The following ABCG8 variants were observed in gnomAD, a reference collection of about 807,000 sequenced individuals.
ABCG8 encodes ATP-binding cassette sub-family G member 8.
Under a neutral mutation model 71.3 loss-of-function variants are expected in ABCG8, and 81 were observed. That is an observed-to-expected ratio of 1.14 (90% CI 0.95 to 1.37). ABCG8 has a LOEUF of 1.37. ABCG8 is among the 40% of genes most tolerant of loss of function. The pLI, the probability that ABCG8 is intolerant of heterozygous loss-of-function variation, is 0.00. For synonymous variants in ABCG8, 451 were observed against 354.7 expected (o/e 1.27, Z -3.05); for missense variants, 1,119 against 866.2 (o/e 1.29, Z -3.66).
In ABCG8 at chr2:43,878,019, A is replaced by C. The variant is rs890377913; in HGVS notation, c.*106A>C. 6.5e-7 allele frequency: 1 copy of C among 1,537,036 alleles called. No homozygotes were observed. The highest frequency in any genetic ancestry group is 2.3e-5 in the East Asian group (1 of 43,386). ...GGGACAGTGAGGACAATGACCCTACAGATGCTCAGCTACATCCGGCCCAGG... is the reference window on the plus strand; with the variant it reads ...GGGACAGTGAGGACAATGACCCTACCGATGCTCAGCTACATCCGGCCCAGG... On this transcript the variant is annotated 3_prime_UTR_variant, in exon 13 of 13. Transcript: ENST00000272286.
intron 6 of ABCG8, among the ~76,000 whole-genome samples, chr2:43,869,178 G>A (rs939899036): frequency 7.1e-6 from 1 of 140,928 alleles, no homozygotes; most frequent in East Asian, 2.2e-4. Context: ...TCTCACTGTG[G>A]GTAGAATTCT....
chr2:43,877,750 A>G, intron 12 of ABCG8, 26 bp from the exon 13 acceptor site: 2 of 1,614,060 alleles, frequency 1.2e-6, no homozygotes, highest in Non-Finnish European at 1.7e-6. Flanking sequence ...CCTCCTCATG[A>G]GCCCACTGCA....
intron 3 of ABCG8, among the ~76,000 whole-genome samples, chr2:43,851,052 A>G (rs1351938636): frequency 6.6e-6 from 1 of 152,086 alleles, no homozygotes; most frequent in Non-Finnish European, 1.5e-5. Flanking sequence ...TTTTTTCTCC[A>G]TTATTTCTCA....
At position 43,852,346 on chromosome 2, in the gene ABCG8, G is replaced by T; in HGVS notation, c.562-8G>T. On this transcript the variant is annotated splice_polypyrimidine_tract_variant and splice_region_variant and intron_variant, in intron 4 of 12. Transcript: ENST00000272286. ...TGAGGTGGCCTCAAAGCTCCTTCTG[G>T]CCCACAGGTGGAGGACGTGATCGCG... 1 of 1,612,122 alleles carries T rather than the reference G, an allele frequency of 6.2e-7. No individual in the cohort carries two copies. Among genetic ancestry groups the T allele is most frequent in the Non-Finnish European group, 8.5e-7 (1 of 1,179,982 alleles).
At chr2:43,847,720 A>C (rs1668788442) in intron 3 of ABCG8, 1 of 151,972 alleles carries the variant, frequency 6.6e-6, no homozygotes. Context: ...GAAAGGAATG[A>C]ATAAATTACA....
In ABCG8 at chr2:43,880,781, A is replaced by G. The variant is rs990738213; in HGVS notation, c.*2868A>G. 10 of 152,176 alleles carry G rather than the reference A, an allele frequency of 6.6e-5. No homozygotes were observed. Among genetic ancestry groups the G allele is most frequent in the Non-Finnish European group, 1.3e-4 (9 of 68,048 alleles). 9.4% of individuals were successfully genotyped at this position (152,176 alleles called of 1,614,324 possible). The stretch of plus-strand genomic sequence containing the variant: ...GATCCTAGGTTCTTCCCTCTTCTCT[A>G]ATTGTGAGAAACCTGGCTTCCATTA... On this transcript the variant is annotated 3_prime_UTR_variant, in exon 13 of 13. Coordinates refer to ENST00000272286, the MANE Select transcript of ABCG8 (RefSeq NM_022437.3).
At chr2:43,850,778 T>TGGCG (rs1170085151) in intron 3 of ABCG8, among the ~76,000 whole-genome samples, 1 of 151,976 alleles carries the variant, frequency 6.6e-6, no homozygotes, top group East Asian at 1.9e-4. Context: ...CCGGGCATGG[T>TGGCG]AGCGCCTGTA....
chr2:43,872,937 C>T (rs888263261), intron 8 of ABCG8, among the ~76,000 whole-genome samples: 2 of 152,040 alleles, frequency 1.3e-5, no homozygotes, highest in African/African-American at 4.8e-5. Flanking sequence ...CACTGTGTGG[C>T]GTGTGTCTTT....
chr2:43,866,585 A>G (rs1170601154), intron 6 of ABCG8, among the ~76,000 whole-genome samples: 1 of 152,222 alleles, frequency 6.6e-6, no homozygotes, highest in Middle Eastern at 3.2e-3. Flanking sequence ...GCCAAAAAAC[A>G]CATGAAAAAA....
intron 6 of ABCG8, among the ~76,000 whole-genome samples, chr2:43,866,988 C>T (rs1251664405): frequency 6.6e-6 from 1 of 151,540 alleles, no homozygotes; most frequent in Non-Finnish European, 1.5e-5. Context: ...AAATGTGGCA[C>T]ATATACACCA....
At position 43,882,597 on chromosome 2, in the gene ABCG8, A is replaced by C. The variant is rs1443506173; in HGVS notation, c.*4684A>C. The C allele has an allele frequency of 1.3e-5, 2 of 152,264 alleles. No individual in the cohort carries two copies. The highest frequency in any genetic ancestry group is 2.4e-5 in the African/African-American group (1 of 41,476). 9.4% of individuals were successfully genotyped at this position (152,264 alleles called of 1,614,324 possible). On this transcript the variant is annotated 3_prime_UTR_variant, in exon 13 of 13. Coordinates refer to ENST00000272286, the MANE Select transcript of ABCG8 (RefSeq NM_022437.3). ...CACTAGATAATTCAGATTTCAAGTC[A>C]TCTGTCATTCGTACTTGATAATGAT...
intron 6 of ABCG8, among the ~76,000 whole-genome samples, chr2:43,862,849 C>T (rs1271190477): frequency 6.6e-6 from 1 of 151,202 alleles, no homozygotes. Context: ...ATAGAATTCT[C>T]ACTCTCTGGA....
At chr2:43,843,798 T>G (rs1002421508) in intron 1 of ABCG8, among the ~76,000 whole-genome samples, 24 of 152,142 alleles carry the variant, frequency 1.6e-4, no homozygotes, top group African/African-American at 5.6e-4. Context: ...CATGAAACAT[T>G]GATTTTTTAA....
intron 6 of ABCG8, among the ~76,000 whole-genome samples, chr2:43,866,234 T>C (rs1669528779): frequency 6.6e-6 from 1 of 151,416 alleles, no homozygotes; most frequent in African/African-American, 2.4e-5. Context: ...CCTAAAACCA[T>C]AAAAGCCCTA....
At chr2:43,844,904 C>A (rs944352219) in intron 2 of ABCG8, among the ~76,000 whole-genome samples, 5 of 151,988 alleles carry the variant, frequency 3.3e-5, no homozygotes, top group Non-Finnish European at 7.4e-5. Context: ...TTTGAAATAA[C>A]TTTAGATTTT....
In ABCG8 at chr2:43,868,322, ACTAT is replaced by A. The variant is rs1364859457; in HGVS notation, c.965-3651_965-3648del. ...TTCTCACCATCTGGATAAAACTCTC[ACTAT>A]CTGTCTGGTAGAATTCTCACTATCT... On this transcript the variant is annotated intron_variant, in intron 6 of 12. Transcript: ENST00000272286. Among the ~76,000 whole-genome samples the A allele has an allele frequency of 2.8e-5, 4 of 144,602 alleles. No individual in the cohort carries two copies. In the East Asian group the frequency reaches 6.0e-4, roughly 22 times the overall value. The allele number at this position is 144,602 out of a possible 152,430, so 94.9% of individuals were successfully genotyped here. A position where few individuals can be genotyped will look rare whatever the true frequency, so the allele number is the denominator to read the frequency against.
intron 6 of ABCG8, among the ~76,000 whole-genome samples, chr2:43,864,139 AT>A (rs926299778): frequency 3.3e-5 from 5 of 150,766 alleles, no homozygotes; most frequent in Middle Eastern, 7.2e-3. Flanking sequence ...TCTGGATAGA[AT>A]TCTTACTGTG....
chr2:43,855,575 G>C (rs1185844205), intron 6 of ABCG8, among the ~76,000 whole-genome samples: 1 of 150,940 alleles, frequency 6.6e-6, no homozygotes, highest in Non-Finnish European at 1.5e-5. Flanking sequence ...ACCCTCCAGA[G>C]AGAACTCTCA....
At chr2:43,844,656 C>G (rs1377852067) in intron 2 of ABCG8, 48 bp downstream of exon 2, 4 of 1,462,082 alleles carry the variant, frequency 2.7e-6, no homozygotes, top group Non-Finnish European at 3.8e-6. Flanking sequence ...CAGGGACAGC[C>G]AGGAAATTCC....
Sources: allele counts gnomAD v4.1 joint callset (sites outside exome capture counted in the v4.1 genomes callset), GRCh38; gene constraint gnomAD v4.1.1; transcripts MANE v1.5; gene names NCBI Gene and HGNC (gene_info 2026-07-23, HGNC 2026-07-21).